Variants in KCNH1 observed in about 807,000 individuals in gnomAD.
KCNH1 encodes the protein potassium voltage-gated channel subfamily H member 1.
KCNH1 carries 27 observed loss-of-function variants against 69.2 expected under a neutral mutation model. That is an observed-to-expected ratio of 0.39 (90% confidence interval 0.29 to 0.54). The LOEUF (loss-of-function observed/expected upper bound fraction) is 0.54, where lower values mean the gene tolerates loss of function less well. Ranked by LOEUF, KCNH1 falls within the 20% of genes least tolerant of loss-of-function variation. The probability of loss-of-function intolerance (pLI) is 0.68; values close to 1 mark genes in which losing one functional copy is unlikely to be tolerated. For synonymous variants in KCNH1, 456 were observed against 487.7 expected (o/e 0.93, Z 0.86); for missense variants, 798 against 1,261.6 (o/e 0.63, Z 5.57).
rs77208490 is a variant in KCNH1 at position 210,901,029 on chromosome 1, C to T, written c.1462+18611G>A. Among the ~76,000 whole-genome samples the T allele has an allele frequency of 3.3e-3, 499 of 152,236 alleles. 5 individuals are homozygous for T. The highest frequency in any genetic ancestry group is 0.024 in the Middle Eastern group (7 of 294). ...GGACCTAACAGATGCTACATGCCAA[C>T]GGCTTCTAGATCTATATCTCTGACC... On this transcript the variant is annotated intron_variant, in intron 7 of 10. Coordinates refer to ENST00000271751, the MANE Select transcript of KCNH1 (RefSeq NM_172362.3).
At chr1:210,689,314 T>C (rs6540619) in intron 10 of KCNH1, among the ~76,000 whole-genome samples, 95,274 of 152,138 alleles carry the variant, frequency 0.63, 30,916 homozygotes, top group African/African-American at 0.79. Flanking sequence ...GGCCCAGCTC[T>C]TCTCGTGCCT....
At chr1:211,071,112 G>T (rs958020824) in intron 5 of KCNH1, among the ~76,000 whole-genome samples, 1 of 152,056 alleles carries the variant, frequency 6.6e-6, no homozygotes, top group Non-Finnish European at 1.5e-5. Context: ...AAATCATAAG[G>T]AAGGAAAATA....
chr1:210,948,837 G>GA (rs770643532), intron 6 of KCNH1, among the ~76,000 whole-genome samples: 1,343 of 125,664 alleles, frequency 0.011, 5 homozygotes, highest in Middle Eastern at 0.016. Flanking sequence ...CAAAAAAAAG[G>GA]AAAAAAAAAA....
chr1:210,991,615 A>ACACG (rs1428438361), intron 6 of KCNH1, among the ~76,000 whole-genome samples: 103 of 151,704 alleles, frequency 6.8e-4, no homozygotes, highest in African/African-American at 2.4e-3. Flanking sequence ...ACACACACAC[A>ACACG]CACACACACA....
intron 7 of KCNH1, among the ~76,000 whole-genome samples, chr1:210,906,590 G>T (rs1244997667): frequency 6.6e-6 from 1 of 152,184 alleles, no homozygotes; most frequent in African/African-American, 2.4e-5. Flanking sequence ...GACCACACAG[G>T]AATGAGACAT....
At chr1:211,070,036 T>C (rs891437315) in intron 5 of KCNH1, among the ~76,000 whole-genome samples, 1 of 151,818 alleles carries the variant, frequency 6.6e-6, no homozygotes, top group African/African-American at 2.4e-5. Flanking sequence ...ACAAAAGAAA[T>C]ATTCAAAGCA....
intron 5 of KCNH1, among the ~76,000 whole-genome samples, chr1:211,061,762 G>A (rs1690436571): frequency 6.6e-6 from 1 of 152,042 alleles, no homozygotes; most frequent in African/African-American, 2.4e-5. Context: ...ATCCAAACAA[G>A]TGAAATTTCT....
chr1:210,948,920 G>A (rs947712371), intron 6 of KCNH1, among the ~76,000 whole-genome samples: 3 of 151,218 alleles, frequency 2.0e-5, no homozygotes, highest in Non-Finnish European at 2.9e-5. Context: ...GCTAAAATTT[G>A]AATTTCATAT....
At chr1:211,111,637 G>A (rs1001188057) in intron 1 of KCNH1, among the ~76,000 whole-genome samples, 15 of 137,362 alleles carry the variant, frequency 1.1e-4, no homozygotes, top group South Asian at 4.9e-4. Context: ...CCCCCGCCCC[G>A]TCTGGGAAGT....
chr1:211,030,439 C>A (rs1206857476), intron 5 of KCNH1, among the ~76,000 whole-genome samples: 1 of 152,016 alleles, frequency 6.6e-6, no homozygotes, highest in Admixed American at 6.6e-5. Flanking sequence ...AATAGAGATT[C>A]CAGAAATAGA....
At chr1:211,010,155 G>A (rs988020976) in intron 6 of KCNH1, among the ~76,000 whole-genome samples, 6 of 152,142 alleles carry the variant, frequency 3.9e-5, no homozygotes, top group Non-Finnish European at 7.4e-5. Flanking sequence ...CCTAGCGGAC[G>A]CAGAAAATAG....
At chr1:211,019,382 G>A in intron 5 of KCNH1, 126 bp from the exon 6 acceptor site, 1 of 621,106 alleles carries the variant, frequency 1.6e-6, no homozygotes, top group Middle Eastern at 4.3e-4. Context: ...ACAATAACAG[G>A]TATGAAAGAA....
chr1:211,072,268 TC>T (rs1243474783), intron 5 of KCNH1, among the ~76,000 whole-genome samples: 1 of 152,048 alleles, frequency 6.6e-6, no homozygotes, highest in East Asian at 1.9e-4. Flanking sequence ...AGAGGGAGAA[TC>T]CATCTCCAAA....
intron 5 of KCNH1, among the ~76,000 whole-genome samples, chr1:211,028,248 G>A (rs1266880096): frequency 6.6e-6 from 1 of 151,932 alleles, no homozygotes; most frequent in Non-Finnish European, 1.5e-5. Flanking sequence ...CAAAGATAAA[G>A]TGGCAAGGGA....
intron 5 of KCNH1, among the ~76,000 whole-genome samples, chr1:211,041,499 C>A (rs985972382): frequency 3.3e-5 from 5 of 152,204 alleles, no homozygotes; most frequent in African/African-American, 1.2e-4. Context: ...AATGTACCAT[C>A]CTGTCTCACA....
intron 6 of KCNH1, among the ~76,000 whole-genome samples, chr1:210,930,864 G>A (rs1036990130): frequency 1.3e-5 from 2 of 151,992 alleles, no homozygotes; most frequent in Non-Finnish European, 2.9e-5. Context: ...TCAAAAAGTG[G>A]GCTAAGGACA....
At chr1:211,068,210 T>C (rs767771574) in intron 5 of KCNH1, among the ~76,000 whole-genome samples, 8 of 152,242 alleles carry the variant, frequency 5.3e-5, no homozygotes, top group African/African-American at 9.6e-5. Flanking sequence ...CATACTCTTA[T>C]TCAGTCTCCA....
intron 7 of KCNH1, among the ~76,000 whole-genome samples, chr1:210,895,365 A>G (rs1686843051): frequency 6.6e-6 from 1 of 152,164 alleles, no homozygotes; most frequent in African/African-American, 2.4e-5. Context: ...AATAATTAAC[A>G]AAGATTAATT....
chr1:210,770,022 T>TA (rs2102363070), intron 10 of KCNH1, among the ~76,000 whole-genome samples: 1 of 152,176 alleles, frequency 6.6e-6, no homozygotes, highest in Non-Finnish European at 1.5e-5. Flanking sequence ...AGGGCAGCCA[T>TA]AAAAAAGAAT....
Sources: gnomAD v4.1 joint callset for allele counts (sites outside exome capture counted in the v4.1 genomes callset) on GRCh38, gnomAD v4.1.1 for gene constraint, MANE v1.5 for transcripts, NCBI Gene and HGNC (gene_info 2026-07-23, HGNC 2026-07-21) for gene names.